CDKL5: variants seen among roughly 807,000 people sequenced by gnomAD.
CDKL5 encodes the protein cyclin-dependent kinase-like 5.
In CDKL5, 8 loss-of-function variants were observed where a neutral mutation model predicts 61.7. The observed-to-expected ratio is 0.13, with a 90% CI of 0.08 to 0.23. The LOEUF (loss-of-function observed/expected upper bound fraction) is 0.23, where lower values mean the gene tolerates loss of function less well. CDKL5 is among the 10% of genes least tolerant of loss of function. The pLI is 1.00. For missense variants in CDKL5, 440 were observed against 734.5 expected (o/e 0.60, Z 4.63); for synonymous variants, 275 against 272.3 (o/e 1.01, Z -0.10).
chrX:18,568,892 G>A (rs756595141), intron 4 of CDKL5, among the ~76,000 whole-genome samples: 9 of 110,734 alleles, frequency 8.1e-5, no homozygotes, highest in Non-Finnish European at 1.1e-4. Context: ...GCAAGGTCTC[G>A]CTATGTTGCT....
At chrX:18,567,899 A>T (rs1361392892) in intron 4 of CDKL5, among the ~76,000 whole-genome samples, 1 of 111,492 alleles carries the variant, frequency 9.0e-6, no homozygotes, top group African/African-American at 3.3e-5. Context: ...AAAAGGCTTT[A>T]CTACACCCAA....
intron 10 of CDKL5, among the ~76,000 whole-genome samples, chrX:18,597,180 A>G (rs1926024061): frequency 9.0e-6 from 1 of 110,631 alleles, no homozygotes; most frequent in Non-Finnish European, 1.9e-5. Context: ...GTATTGCCTT[A>G]TTATCAAATG....
rs1191836877 is a variant in CDKL5 at position 18,651,264 on chromosome X, T to TGAGAGA, written c.2980+691_2980+696dup. Among the ~76,000 whole-genome samples the TGAGAGA allele has an allele frequency of 7.6e-3, 524 of 68,992 alleles. 6 individuals are homozygous for TGAGAGA. Among genetic ancestry groups the TGAGAGA allele is most frequent in the African/African-American group, 0.03 (485 of 15,961 alleles). The allele number at this position is 68,992 out of a possible 115,157, so 59.9% of individuals were successfully genotyped here. A position where few individuals can be genotyped will look rare whatever the true frequency, so the allele number is the denominator to read the frequency against. On this transcript the variant is annotated intron_variant, in intron 21 of 21. Transcript: ENST00000379989. ...GTGTGTGTGTGTGTGTGTGTGTGTGTGAGAGAGAGAGAGAGAGAGAGAGAC... is the reference window on the plus strand; with the variant it reads ...GTGTGTGTGTGTGTGTGTGTGTGTGTGAGAGAGAGAGAGAGAGAGAGAGAGAGAGAC...
chrX:18,609,643 C>T (rs894526667), intron 14 of CDKL5, 73 bp downstream of exon 14: 41 of 1,183,049 alleles, frequency 3.5e-5, no homozygotes, highest in Non-Finnish European at 4.1e-5. Flanking sequence ...CTGCTTTCAC[C>T]GACTCAGGCC....
intron 1 of CDKL5, among the ~76,000 whole-genome samples, chrX:18,488,851 A>G (rs1921884059): frequency 8.9e-6 from 1 of 112,097 alleles, no homozygotes; most frequent in Admixed American, 9.4e-5. Context: ...ATGGCTAACC[A>G]GCATTAATGT....
chrX:18,478,905 G>A (rs1276818304), intron 1 of CDKL5, among the ~76,000 whole-genome samples: 2 of 109,788 alleles, frequency 1.8e-5, no homozygotes, highest in African/African-American at 3.3e-5. Context: ...TAGTAGAGAC[G>A]GGGTTTCACT....
intron 3 of CDKL5, among the ~76,000 whole-genome samples, chrX:18,552,880 C>G (rs1203237875): frequency 9.0e-6 from 1 of 111,334 alleles, no homozygotes; most frequent in Non-Finnish European, 1.9e-5. Flanking sequence ...AGCTACCTGG[C>G]CTGCCATGTG....
At chrX:18,558,623 A>G (rs903216705) in intron 3 of CDKL5, among the ~76,000 whole-genome samples, 1 of 111,914 alleles carries the variant, frequency 8.9e-6, no homozygotes, top group Non-Finnish European at 1.9e-5. Context: ...AGTCTTGAAC[A>G]TCATGCTGTT....
At chrX:18,603,753 G>T in intron 11 of CDKL5, 149 bp from the exon 12 acceptor site, 1 of 655,273 alleles carries the variant, frequency 1.5e-6, no homozygotes. Flanking sequence ...GCTGTTGATA[G>T]GTTACTTGTT....
At chrX:18,450,072 C>T (rs2147634078) in intron 1 of CDKL5, among the ~76,000 whole-genome samples, 1 of 112,474 alleles carries the variant, frequency 8.9e-6, no homozygotes, top group African/African-American at 3.2e-5. Context: ...GGATTACAGG[C>T]ATGAGCCACT....
At chrX:18,488,960 G>T (rs2147078788) in intron 1 of CDKL5, among the ~76,000 whole-genome samples, 1 of 111,603 alleles carries the variant, frequency 9.0e-6, no homozygotes, top group East Asian at 2.8e-4. Flanking sequence ...GGCCCTGAAA[G>T]AAATAGAAGT....
At chrX:18,546,189 G>C (rs1924185523) in intron 3 of CDKL5, among the ~76,000 whole-genome samples, 1 of 109,961 alleles carries the variant, frequency 9.1e-6, no homozygotes, top group Non-Finnish European at 1.9e-5. Flanking sequence ...TCAGGTGGTT[G>C]GTTCTTTTAA....
chrX:18,464,511 C>T (rs377202932), intron 1 of CDKL5, among the ~76,000 whole-genome samples: 3 of 111,948 alleles, frequency 2.7e-5, no homozygotes, highest in Non-Finnish European at 5.6e-5. Context: ...TAAGGATATT[C>T]AGCTTCTGTC....
At chrX:18,460,101 A>G (rs774809586) in intron 1 of CDKL5, among the ~76,000 whole-genome samples, 1 of 110,779 alleles carries the variant, frequency 9.0e-6, no homozygotes, top group Non-Finnish European at 1.9e-5. Context: ...GGGCTTCACC[A>G]TGTTGGCCAG....
intron 3 of CDKL5, among the ~76,000 whole-genome samples, chrX:18,543,245 T>C (rs960870831): frequency 1.8e-5 from 2 of 110,660 alleles, no homozygotes; most frequent in South Asian, 7.8e-4. Context: ...TTTTCAGTTG[T>C]TAGCCTACCC....
In CDKL5 at chrX:18,638,281, G is replaced by A. The variant is rs1260183606; in HGVS notation, c.*9524G>A. Reference sequence around the variant, plus strand: ...AACACTTAATGCTACTTCTTTGTTCGTAACATTTCATTTAATTATTTAAAA... The same window carrying A: ...AACACTTAATGCTACTTCTTTGTTCATAACATTTCATTTAATTATTTAAAA... On this transcript the variant is annotated 3_prime_UTR_variant, in exon 18 of 18. Coordinates refer to ENST00000623535, the MANE Select transcript of CDKL5 (RefSeq NM_001323289.2). The A allele has an allele frequency of 8.9e-6, 1 of 111,886 alleles. No homozygotes were observed. The highest frequency in any genetic ancestry group is 3.3e-5 in the African/African-American group (1 of 30,768). The allele number at this position is 111,886 out of a possible 1,213,427, so 9.2% of individuals were successfully genotyped here.
intron 2 of CDKL5, among the ~76,000 whole-genome samples, chrX:18,508,863 AGGT>A (rs1245088311): frequency 9.1e-6 from 1 of 110,077 alleles, no homozygotes; most frequent in African/African-American, 3.3e-5. Context: ...TGGGAGGCTG[AGGT>A]GGTGGATCAC....
intron 1 of CDKL5, among the ~76,000 whole-genome samples, chrX:18,462,358 C>G (rs891014027): frequency 9.0e-6 from 1 of 111,483 alleles, no homozygotes; most frequent in Middle Eastern, 4.6e-3. Context: ...GGTCCCCAGA[C>G]CAGCAGCATC....
At chrX:18,653,259 C>T (rs1249308869) in intron 21 of CDKL5, among the ~76,000 whole-genome samples, 8 of 111,700 alleles carry the variant, frequency 7.2e-5, no homozygotes, top group Non-Finnish European at 1.9e-5. Context: ...AATCTTGGCT[C>T]AACGGTGGAA....
Sources: allele counts gnomAD v4.1 joint callset (sites outside exome capture counted in the v4.1 genomes callset), GRCh38; gene constraint gnomAD v4.1.1; transcripts MANE v1.5; gene names NCBI Gene and HGNC (gene_info 2026-07-23, HGNC 2026-07-21).